TMEM233: variants seen among roughly 807,000 people sequenced by gnomAD.
The protein encoded by TMEM233 is dispanin subfamily B member 2.
In TMEM233, 6 loss-of-function variants were observed where a neutral mutation model predicts 11.2. The ratio of observed to expected loss-of-function variants is 0.54; its 90% CI spans 0.29 to 1.06. The LOEUF (loss-of-function observed/expected upper bound fraction) is 1.06. TMEM233 is among the 50% of genes least tolerant of loss of function. The pLI is 0.08. For missense variants in TMEM233, 127 were observed against 144.7 expected (o/e 0.88, Z 0.63); for synonymous variants, 59 against 55.8 (o/e 1.06, Z -0.26).
intron 2 of TMEM233, among the ~76,000 whole-genome samples, chr12:119,632,469 A>T (rs1452384701): frequency 2.0e-5 from 3 of 152,224 alleles, no homozygotes; most frequent in Non-Finnish European, 4.4e-5. Context: ...TAACTCCAGG[A>T]TTGATTTACG....
At position 119,595,859 on chromosome 12, in the gene TMEM233, T is replaced by C. The variant is rs1954035687; in HGVS notation, c.186+1825T>C. Among the ~76,000 whole-genome samples the C allele has an allele frequency of 6.6e-6, 1 of 152,228 alleles. No individual in the cohort carries two copies. Among genetic ancestry groups the C allele is most frequent in the Admixed American group, 6.5e-5 (1 of 15,284 alleles). ...CCATCTGATATAGTATTTTAATTATTTGTATGTTTACAGTCTGTGTCCCTC... is the reference window on the plus strand; with the variant it reads ...CCATCTGATATAGTATTTTAATTATCTGTATGTTTACAGTCTGTGTCCCTC... On this transcript the variant is annotated intron_variant, in intron 1 of 2. Coordinates refer to ENST00000426426, the MANE Select transcript of TMEM233 (RefSeq NM_001136534.3). The surrounding 1 kb of genome is among the most constrained non-coding windows in gnomAD (Gnocchi z 4.3).
chr12:119,626,484 A>AAAGAAG (rs1555266819), intron 1 of TMEM233, among the ~76,000 whole-genome samples: 1 of 112,578 alleles, frequency 8.9e-6, no homozygotes, highest in African/African-American at 3.6e-5. Flanking sequence ...AAAAAAAAAA[A>AAAGAAG]AAGAAGAAAA....
At chr12:119,630,979 A>C (rs911054791) in intron 2 of TMEM233, 1 of 152,172 alleles carries the variant, frequency 6.6e-6, no homozygotes, top group Non-Finnish European at 1.5e-5. Flanking sequence ...CTGGACTGGG[A>C]CAAATTTATT....
intron 1 of TMEM233, among the ~76,000 whole-genome samples, chr12:119,624,945 A>ATT (rs200000466): frequency 4.7e-5 from 7 of 149,964 alleles, no homozygotes; most frequent in Non-Finnish European, 8.9e-5. Flanking sequence ...GGTTCTCTGT[A>ATT]TTTTTTTTTT....
chr12:119,599,612 C>T (rs1393689502), intron 1 of TMEM233, among the ~76,000 whole-genome samples: 1 of 152,038 alleles, frequency 6.6e-6, no homozygotes, highest in East Asian at 1.9e-4. Flanking sequence ...AAATAGTAGC[C>T]AACAAGAAGA....
chr12:119,619,719 A>G (rs1210596889), intron 1 of TMEM233, among the ~76,000 whole-genome samples: 1 of 152,038 alleles, frequency 6.6e-6, no homozygotes, highest in Non-Finnish European at 1.5e-5. Context: ...TCACTATAAT[A>G]ATAGTATTTT....
chr12:119,638,986 C>T (rs1470908004), intron 2 of TMEM233, among the ~76,000 whole-genome samples: 2 of 152,118 alleles, frequency 1.3e-5, no homozygotes, highest in Non-Finnish European at 2.9e-5. Context: ...CTCATCTCCC[C>T]TCTCTCTCCC....
chr12:119,649,846 TTAAC>T, the TMEM233 span, among the ~76,000 whole-genome samples: 3 of 92,020 alleles, frequency 3.3e-5, no homozygotes, highest in Non-Finnish European at 6.0e-5. Flanking sequence ...CGGTAGTTGT[TTAAC>T]TATTAAAAAA....
chr12:119,620,962 CCTCAAACTCCTGCG>C (rs1954628745), intron 1 of TMEM233, among the ~76,000 whole-genome samples: 1 of 151,848 alleles, frequency 6.6e-6, no homozygotes, highest in Non-Finnish European at 1.5e-5. Context: ...CTCACTGTAA[CCTCAAACTCCTGCG>C]CTCAAGCAAT....
chr12:119,654,088 G>A, the TMEM233 span, among the ~76,000 whole-genome samples: 6 of 151,762 alleles, frequency 4.0e-5, no homozygotes, highest in East Asian at 3.8e-4. Context: ...GATACATCAC[G>A]TACATGGAAA....
intron 1 of TMEM233, among the ~76,000 whole-genome samples, chr12:119,627,221 C>T (rs140622192): frequency 2.0e-5 from 3 of 152,300 alleles, no homozygotes; most frequent in East Asian, 1.9e-4. Flanking sequence ...CAGGAGTGGG[C>T]GAACTTCTTT....
chr12:119,632,721 A>G lies in TMEM233; in HGVS notation c.323+2849A>G, dbSNP rs555575411. Among the ~76,000 whole-genome samples, 3 of 152,276 alleles carry G rather than the reference A, an allele frequency of 2.0e-5. No homozygotes were observed. In the East Asian group the frequency reaches 5.8e-4, roughly 29 times the overall value. ...GGCCTCATGGGGCTCATTTTTCAAG[A>G]GATGTTGGAAATCTGGGATTTTATG... On this transcript the variant is annotated intron_variant, in intron 2 of 2. Transcript: ENST00000426426.
rs977573560 is a variant in TMEM233 at position 119,621,347 on chromosome 12, A to AT, written c.187-8384dup. On this transcript the variant is annotated intron_variant, in intron 1 of 2. Transcript: ENST00000426426. ...AATCACTGCACCTGGCATCCAGCTA[A>AT]TTTTTAAAATTTTTTGTAGAGACAA... Among the ~76,000 whole-genome samples the AT allele has an allele frequency of 8.6e-5, 13 of 152,032 alleles. No individual in the cohort carries two copies. The Middle Eastern group carries it at 0.01, about 119-fold the overall frequency.
chr12:119,613,527 G>T (rs540704632), intron 1 of TMEM233, among the ~76,000 whole-genome samples: 2 of 152,166 alleles, frequency 1.3e-5, no homozygotes, highest in African/African-American at 4.8e-5. Flanking sequence ...AAGATGTCGG[G>T]ACCTGGCTGA....
At chr12:119,608,780 G>A (rs1480013535) in intron 1 of TMEM233, among the ~76,000 whole-genome samples, 1 of 152,196 alleles carries the variant, frequency 6.6e-6, no homozygotes, top group Non-Finnish European at 1.5e-5. Flanking sequence ...TCCTTCAAGG[G>A]TAGAAATCAG....
intron 1 of TMEM233, among the ~76,000 whole-genome samples, chr12:119,608,760 T>C (rs1158010162): frequency 4.6e-5 from 7 of 152,214 alleles, no homozygotes; most frequent in Non-Finnish European, 1.0e-4. Context: ...TGGGAAACTT[T>C]CTACTGCCAT....
intron 1 of TMEM233, among the ~76,000 whole-genome samples, chr12:119,617,849 A>G (rs981353286): frequency 6.6e-6 from 1 of 152,200 alleles, no homozygotes; most frequent in African/African-American, 2.4e-5. Context: ...AACAAAAAGA[A>G]AGAAAGAAAC....
At chr12:119,650,183 T>A in the TMEM233 span, among the ~76,000 whole-genome samples, 1 of 149,280 alleles carries the variant, frequency 6.7e-6, no homozygotes, top group Admixed American at 6.7e-5. Flanking sequence ...AGTGGGTAAC[T>A]ATAATAACAA....
intron 2 of TMEM233, among the ~76,000 whole-genome samples, chr12:119,637,293 A>G (rs932819562): frequency 1.3e-5 from 2 of 152,228 alleles, no homozygotes; most frequent in Non-Finnish European, 1.5e-5. Flanking sequence ...CTTGCTTGCC[A>G]TTCTTAACAA....
Sources: gnomAD v4.1 joint callset for allele counts (sites outside exome capture counted in the v4.1 genomes callset) on GRCh38, gnomAD v4.1.1 for gene constraint, Gnocchi (gnomAD v3.1) non-coding constraint, MANE v1.5 for transcripts, NCBI Gene and HGNC (gene_info 2026-07-23, HGNC 2026-07-21) for gene names.